ZRSR2: variants seen among roughly 807,000 people sequenced by gnomAD.
ZRSR2 encodes U2 small nuclear ribonucleoprotein auxiliary factor 35 kDa subunit-related protein 2.
Under a neutral mutation model 39.4 loss-of-function variants are expected in ZRSR2, and 3 were observed. The ratio of observed to expected loss-of-function variants is 0.08; its 90% CI spans 0.03 to 0.20. The LOEUF is 0.20. ZRSR2 is among the 10% of genes least tolerant of loss of function. The probability of loss-of-function intolerance (pLI) is 1.00; values close to 1 mark genes in which losing one functional copy is unlikely to be tolerated. For synonymous variants in ZRSR2, 137 were observed against 136.0 expected (o/e 1.01, Z -0.05); for missense variants, 256 against 391.5 (o/e 0.65, Z 2.92).
At chrX:15,803,338 T>C (rs1305010195) in intron 3 of ZRSR2, among the ~76,000 whole-genome samples, 2 of 111,750 alleles carry the variant, frequency 1.8e-5, no homozygotes, top group African/African-American at 3.3e-5. Context: ...AGGTAGATGC[T>C]GCTTTGAAAC....
intron 7 of ZRSR2, among the ~76,000 whole-genome samples, chrX:15,814,700 G>C (rs1306809897): frequency 9.0e-6 from 1 of 111,626 alleles, no homozygotes; most frequent in Non-Finnish European, 1.9e-5. Flanking sequence ...AGATGTCTTG[G>C]ATCCCTCTCT....
intron 4 of ZRSR2, 43 bp downstream of exon 4, chrX:15,803,839 C>T (rs949683299): frequency 1.5e-5 from 18 of 1,165,986 alleles, no homozygotes; most frequent in Admixed American, 2.6e-5. Flanking sequence ...CTGATTACTT[C>T]ACCATAATAA....
Position 15,790,504 on chromosome X carries a change from G to T in ZRSR2, c.9G>T (p.Ala3=). The T allele has an allele frequency of 3.4e-6, 4 of 1,159,951 alleles. No homozygotes were observed. The highest frequency in any genetic ancestry group is 4.6e-6 in the Non-Finnish European group (4 of 870,984). ...GGGGCGGTGCCGGCAAGATGGCTGC[G>T]CCCGAGAAGATGACGTTTCCCGAGA... MA[A]PEKMTFPEKP... is the part of the protein sequence containing the mutation. Residue 3 remains alanine (A), a synonymous_variant, in exon 1 of 11, where the codon GCG becomes GCT. Coordinates refer to ENST00000307771, the MANE Select transcript of ZRSR2 (RefSeq NM_005089.4).
chrX:15,795,910 C>T (rs946220933), intron 2 of ZRSR2, among the ~76,000 whole-genome samples: 29 of 112,075 alleles, frequency 2.6e-4, no homozygotes, highest in Admixed American at 1.9e-3. Context: ...ATCACGAGGT[C>T]GGGACTTCGA....
intron 4 of ZRSR2, 87 bp from the exon 5 acceptor site, chrX:15,804,024 G>GT: frequency 9.5e-7 from 1 of 1,057,147 alleles, no homozygotes; most frequent in Middle Eastern, 2.9e-4. Flanking sequence ...GTTTGCCAGT[G>GT]TTTTAAGTTT....
chrX:15,815,575 G>T lies in ZRSR2; in HGVS notation c.558-102G>T. 6 of 701,931 alleles carry T rather than the reference G, an allele frequency of 8.5e-6. No individual in the cohort carries two copies. The South Asian group carries it at 2.0e-4, about 23-fold the overall frequency. The allele number at this position is 701,931 out of a possible 1,213,427, so 57.8% of individuals were successfully genotyped here. A position where few individuals can be genotyped will look rare whatever the true frequency, so the allele number is the denominator to read the frequency against. ...ACCCGCCTCGGCCTCCCAAAGTGTTGGGATTACAGGCGTGAGCCACCATGC... is the reference window on the plus strand; with the variant it reads ...ACCCGCCTCGGCCTCCCAAAGTGTTTGGATTACAGGCGTGAGCCACCATGC... On this transcript the variant is annotated intron_variant, in intron 7 of 10. Coordinates refer to ENST00000307771, the MANE Select transcript of ZRSR2 (RefSeq NM_005089.4).
intron 7 of ZRSR2, among the ~76,000 whole-genome samples, chrX:15,812,454 C>G (rs946124885): frequency 8.9e-6 from 1 of 111,958 alleles, no homozygotes; most frequent in Non-Finnish European, 1.9e-5. Flanking sequence ...TACAGCTGTT[C>G]TGTTCTGTCG....
intron 2 of ZRSR2, among the ~76,000 whole-genome samples, chrX:15,795,982 G>A (rs971588115): frequency 3.6e-5 from 4 of 110,850 alleles, no homozygotes; most frequent in East Asian, 2.8e-4. Flanking sequence ...GTAGCTGGGC[G>A]TCCTATTCAC....
intron 2 of ZRSR2, among the ~76,000 whole-genome samples, chrX:15,794,857 A>G: frequency 8.9e-6 from 1 of 112,472 alleles, no homozygotes; most frequent in Non-Finnish European, 1.9e-5. Flanking sequence ...AGAAGGGTCC[A>G]TAAAAGAAGT....
chrX:15,821,778 G>A (rs1260648518), intron 10 of ZRSR2, among the ~76,000 whole-genome samples: 2 of 110,291 alleles, frequency 1.8e-5, no homozygotes, highest in Admixed American at 9.8e-5. Context: ...TATGTGGTAC[G>A]GAGGTATTTC....
rs767055830 is a variant in ZRSR2, at chrX:15,804,949, G to A, written c.399+752G>A. ...CTATCTTCCAGGATTCTTTTTTAAGGATTGATTTGGTATGTTTTGCTGCTA... is the reference window on the plus strand; with the variant it reads ...CTATCTTCCAGGATTCTTTTTTAAGAATTGATTTGGTATGTTTTGCTGCTA... On this transcript the variant is annotated intron_variant, in intron 5 of 10. Coordinates refer to ENST00000307771, the MANE Select transcript of ZRSR2 (RefSeq NM_005089.4). 3.6e-5 allele frequency among the ~76,000 whole-genome samples: 4 copies of A among 110,837 alleles called. No individual in the cohort carries two copies. The South Asian group carries it at 1.5e-3, about 41-fold the overall frequency.
chrX:15,794,214 C>T (rs1359467291), intron 2 of ZRSR2, among the ~76,000 whole-genome samples: 5 of 111,234 alleles, frequency 4.5e-5, no homozygotes, highest in Non-Finnish European at 9.4e-5. Context: ...TTCCTTTGAG[C>T]ATTGTTGTCA....
intron 7 of ZRSR2, among the ~76,000 whole-genome samples, chrX:15,814,026 G>A (rs1185666570): frequency 1.0e-5 from 1 of 99,058 alleles, no homozygotes; most frequent in Non-Finnish European, 2.0e-5. Flanking sequence ...TTCCCAACAC[G>A]TCCTATTCTT....
intron 8 of ZRSR2, among the ~76,000 whole-genome samples, chrX:15,816,726 A>T (rs904398711): frequency 1.8e-5 from 2 of 111,636 alleles, no homozygotes; most frequent in Non-Finnish European, 3.8e-5. Context: ...GGGAAAAGAC[A>T]GGAATAGAAC....
intron 7 of ZRSR2, among the ~76,000 whole-genome samples, chrX:15,811,549 C>G (rs1216409353): frequency 9.0e-6 from 1 of 111,684 alleles, no homozygotes; most frequent in Non-Finnish European, 1.9e-5. Context: ...CTTAGCCTCT[C>G]GAGTAGTTGG....
chrX:15,820,191 G>A lies in ZRSR2; in HGVS notation c.828-16G>A. 8.5e-7 allele frequency: 1 copy of A among 1,182,339 alleles called. No individual in the cohort carries two copies. Among genetic ancestry groups the A allele is most frequent in the Non-Finnish European group, 1.1e-6 (1 of 869,670 alleles). On this transcript the variant is annotated splice_polypyrimidine_tract_variant and intron_variant, in intron 9 of 10. Coordinates refer to ENST00000307771, the MANE Select transcript of ZRSR2 (RefSeq NM_005089.4). ...GAAGTTACTGTAAAGCATATCATTT[G>A]ATTTTTGGTTTAAAGGGAAGAAGAA... is the stretch of plus-strand genomic sequence containing the variant.
chrX:15,817,740 C>T (rs922458685), intron 8 of ZRSR2, among the ~76,000 whole-genome samples: 1 of 110,951 alleles, frequency 9.0e-6, no homozygotes, highest in African/African-American at 3.3e-5. Context: ...CTCTTTATAC[C>T]CACAGAGACC....
intron 3 of ZRSR2, chrX:15,801,395 A>ATT: frequency 3.4e-6 from 1 of 297,896 alleles, no homozygotes; most frequent in Non-Finnish European, 6.5e-6. Context: ...CACCCAGTTA[A>ATT]TTTTTTTTTG....
chrX:15,809,448 T>C, intron 7 of ZRSR2, 130 bp downstream of exon 7: 1 of 497,621 alleles, frequency 2.0e-6, no homozygotes, highest in Non-Finnish European at 3.5e-6. Flanking sequence ...GCCTTCTTGC[T>C]GCTGCTCTCG....
Sources: gnomAD v4.1 joint callset for allele counts (sites outside exome capture counted in the v4.1 genomes callset) on GRCh38, gnomAD v4.1.1 for gene constraint, MANE v1.5 for transcripts, NCBI Gene and HGNC (gene_info 2026-07-23, HGNC 2026-07-21) for gene names.